SCARF1: variants seen among roughly 807,000 people sequenced by gnomAD.
SCARF1 encodes the protein acetyl LDL receptor.
SCARF1 carries 49 observed loss-of-function variants against 76.3 expected under a neutral mutation model. The observed-to-expected ratio is 0.64, with a 90% CI of 0.51 to 0.81. The LOEUF (loss-of-function observed/expected upper bound fraction) is 0.81. SCARF1 is among the 40% of genes least tolerant of loss of function. The pLI, the probability that SCARF1 is intolerant of heterozygous loss-of-function variation, is 0.00. For synonymous variants in SCARF1, 495 were observed against 474.6 expected, an observed-to-expected ratio of 1.04 and a Z score of -0.56; for missense variants, 1,098 against 1,143.9, an observed-to-expected ratio of 0.96 and a Z score of 0.58.
chr17:1,643,417 AC>A, intron 4 of SCARF1, 24 bp downstream of exon 4: 1 of 855,028 alleles, frequency 1.2e-6, no homozygotes, highest in Non-Finnish European at 1.4e-6. Context: ...CCGCCAGCCC[AC>A]CTGTCCCCGC....
At chr17:1,639,783 A>G in intron 6 of SCARF1, 41 bp from the exon 7 acceptor site, 2 of 1,606,578 alleles carry the variant, frequency 1.2e-6, no homozygotes, top group Non-Finnish European at 1.7e-6. Flanking sequence ...GGCTGGGTGA[A>G]GTGGGGGAGG....
In SCARF1 at chr17:1,636,728, G is replaced by A; in HGVS notation, c.1614C>T (p.Tyr538=). 1.9e-6 allele frequency: 3 copies of A among 1,614,086 alleles called. No individual in the cohort carries two copies. Among genetic ancestry groups the A allele is most frequent in the Non-Finnish European group, 2.5e-6 (3 of 1,179,984 alleles). The part of the protein sequence containing the change: ...ESGEADEVPA[Y]CVPPQEGMVP... ...GGCTACCTTCTTGGGGTGGCACACA[G>A]TAGGCAGGAACCTCATCTGCCTCTC... Residue 538 remains tyrosine (Y), a synonymous_variant, in exon 10 of 11, where the codon TAC becomes TAT. Coordinates refer to ENST00000263071, the MANE Select transcript of SCARF1 (RefSeq NM_003693.4).
At chr17:1,639,824 G>T in intron 6 of SCARF1, 82 bp from the exon 7 acceptor site, 1 of 1,607,994 alleles carries the variant, frequency 6.2e-7, no homozygotes, top group East Asian at 2.2e-5. Flanking sequence ...AGATTTCTGG[G>T]CACTGTCCAG....
At position 1,634,882 on chromosome 17, in the gene SCARF1, G is replaced by T. The variant is rs773026702; in HGVS notation, c.2369C>A (p.Ala790Asp). ...LGAGTESSRR[A>D]QEPVSGCGSP... Reference sequence around the variant, plus strand: ...GCCACAGCCAGAGACTGGCTCCTGGGCTCTCCTTGAACTCTCGGTGCCAGC... The same window carrying T: ...GCCACAGCCAGAGACTGGCTCCTGGTCTCTCCTTGAACTCTCGGTGCCAGC... The change falls in exon 11 of 11, where the codon GCC becomes GAC. Residue 790 changes from alanine (A) to aspartate (D), a missense_variant. Physicochemically the swap from Ala to Asp is moderately radical, Grantham distance 126. Transcript: ENST00000263071. The T allele has an allele frequency of 1.9e-6, 3 of 1,613,902 alleles. No homozygotes were observed. The South Asian group carries it at 3.3e-5, about 18-fold the overall frequency.
At chr17:1,638,244 C>G (rs991602992) in intron 8 of SCARF1, 5 of 152,436 alleles carry the variant, frequency 3.3e-5, no homozygotes, top group African/African-American at 1.2e-4. Flanking sequence ...CGTAAGCCCC[C>G]TGCGCGGGCC....
rs759907989 is a variant in SCARF1, at chr17:1,635,266, C to T, written c.1985G>A (p.Arg662Gln). The change falls in exon 11 of 11, where the codon CGG (arginine) becomes CAG (glutamine). Residue 662 changes from arginine (R) to glutamine (Q), a missense_variant. Physicochemically the swap from Arg to Gln is conservative, Grantham distance 43. Coordinates refer to ENST00000263071, the MANE Select transcript of SCARF1 (RefSeq NM_003693.4). ...SPGDSATGHR[R>Q]PPLGGRTVAE... Reference sequence around the variant, plus strand: ...CACTGTCCGGCCACCAAGTGGGGGCCGCCGGTGGCCAGTGGCTGAATCCCC... The same window carrying T: ...CACTGTCCGGCCACCAAGTGGGGGCTGCCGGTGGCCAGTGGCTGAATCCCC... 6 of 1,611,562 alleles carry T rather than the reference C, an allele frequency of 3.7e-6. No individual in the cohort carries two copies. The highest frequency in any genetic ancestry group is 2.2e-5 in the East Asian group (1 of 44,856).
chr17:1,640,765 G>T lies in SCARF1; in HGVS notation c.792-99C>A. 9.5e-6 allele frequency: 11 copies of T among 1,163,012 alleles called. No individual in the cohort carries two copies. Among genetic ancestry groups the T allele is most frequent in the Non-Finnish European group, 1.4e-5 (11 of 804,082 alleles). 72.0% of individuals were successfully genotyped at this position (1,163,012 alleles called of 1,614,324 possible). ...TCCACGCAGGCCTTCGGGGGCCCTG[G>T]AGAGTGTTCGGGTCCCACCTGGGTC... On this transcript the variant is annotated intron_variant, in intron 4 of 10. Coordinates refer to ENST00000263071, the MANE Select transcript of SCARF1 (RefSeq NM_003693.4). This position sits in a 1 kb window ranked among gnomAD's most constrained non-coding sequence, Gnocchi z 4.7.
At position 1,635,385 on chromosome 17, in the gene SCARF1, C is replaced by T. The variant is rs1235877392; in HGVS notation, c.1866G>A (p.Gly622=). ...PLRKPKRLSR[G]AQSGPEGREA... is the part of the protein sequence containing the mutation. ...CCCGGCCCTCAGGACCCGACTGCGC[C>T]CCCCGGGAGAGCCTCTTGGGCTTTC... The change falls in exon 11 of 11, where the codon GGG becomes GGA. Residue 622 remains glycine, a synonymous_variant. Coordinates refer to ENST00000263071, the MANE Select transcript of SCARF1 (RefSeq NM_003693.4). 5.0e-6 allele frequency: 8 copies of T among 1,613,396 alleles called. No individual in the cohort carries two copies. The highest frequency in any genetic ancestry group is 6.8e-6 in the Non-Finnish European group (8 of 1,179,620).
Position 1,639,999 on chromosome 17 carries a change from C to T in SCARF1, c.1052G>A (p.Cys351Tyr), listed in dbSNP as rs1397637714. Residue 351 changes from cysteine to tyrosine, a missense_variant, in exon 6 of 11, where the codon TGT (cysteine) becomes TAT (tyrosine). By Grantham distance (194) the Cys-to-Tyr change is radical. Coordinates refer to ENST00000263071, the MANE Select transcript of SCARF1 (RefSeq NM_003693.4). ...PCPTGTFGEDCGSTCPTCVQG... is the reference protein window; with the variant it reads ...PCPTGTFGEDYGSTCPTCVQG... ...AACACAGGTGGGGCAGGTAGAGCCA[C>T]AGTCTTCCCCAAAGGTACCAGTGGG... 1.9e-6 allele frequency: 3 copies of T among 1,613,984 alleles called. No individual in the cohort carries two copies. Among genetic ancestry groups the T allele is most frequent in the Non-Finnish European group, 1.7e-6 (2 of 1,180,002 alleles).
chr17:1,634,727 C>T lies in SCARF1; in HGVS notation c.*31G>A, dbSNP rs1909371298. On this transcript the variant is annotated 3_prime_UTR_variant, in exon 11 of 11. Transcript: ENST00000263071. ...CAGCACACAGCACAGTCTAGTCCAT[C>T]CACTCTCCCCACTCCCCAAATTCAA... The T allele has an allele frequency of 1.3e-6, 2 of 1,553,268 alleles. No homozygotes were observed. The highest frequency in any genetic ancestry group is 1.4e-5 in the African/African-American group (1 of 72,838).
Position 1,643,967 on chromosome 17 carries a change from C to G in SCARF1, c.266G>C (p.Arg89Pro), listed in dbSNP as rs903090086. ...PGFFGAHCSS[R>P]CPGQYWGPDC... is the part of the protein sequence containing the mutation. ...GGGGCCCCAGTACTGGCCCGGGCAGCCTGCGGGGGTGGGGACGGGAGGGGT... is the reference window on the plus strand; with the variant it reads ...GGGGCCCCAGTACTGGCCCGGGCAGGCTGCGGGGGTGGGGACGGGAGGGGT... Residue 89 changes from arginine to proline, a missense_variant and splice_region_variant, in exon 4 of 11, where the codon CGC (arginine) becomes CCC (proline). By Grantham distance (103) the Arg-to-Pro change is moderately radical (BLOSUM62 -2). Transcript: ENST00000263071. 1.5e-6 allele frequency: 2 copies of G among 1,326,690 alleles called. No individual in the cohort carries two copies. Among genetic ancestry groups the G allele is most frequent in the Non-Finnish European group, 1.9e-6 (2 of 1,041,296 alleles). 82.2% of individuals were successfully genotyped at this position (1,326,690 alleles called of 1,614,324 possible). A position where few individuals can be genotyped will look rare whatever the true frequency, so the allele number is the denominator to read the frequency against.
Position 1,644,745 on chromosome 17 carries a change from G to T in SCARF1, c.265+89C>A. ...GGGATTCTGGCCCTGCTGTCCTGAGGCTGCATGGCTACCTGCCTCGCCTGC... is the reference window on the plus strand; with the variant it reads ...GGGATTCTGGCCCTGCTGTCCTGAGTCTGCATGGCTACCTGCCTCGCCTGC... On this transcript the variant is annotated intron_variant, in intron 3 of 10. Coordinates refer to ENST00000263071, the MANE Select transcript of SCARF1 (RefSeq NM_003693.4). This position sits in a 1 kb window ranked among gnomAD's most constrained non-coding sequence, Gnocchi z 4.8. 7.9e-7 allele frequency: 1 copy of T among 1,258,026 alleles called. No individual in the cohort carries two copies. The allele number at this position is 1,258,026 out of a possible 1,614,324, so 77.9% of individuals were successfully genotyped here. A position where few individuals can be genotyped will look rare whatever the true frequency, so the allele number is the denominator to read the frequency against.
Position 1,643,941 on chromosome 17 carries a change from CG to C in SCARF1, c.291del (p.Asp98ThrfsTer269). 1 of 1,348,108 alleles carries C rather than the reference CG, an allele frequency of 7.4e-7. No individual in the cohort carries two copies. Among genetic ancestry groups the C allele is most frequent in the Admixed American group, 3.6e-5 (1 of 28,116 alleles). 83.5% of individuals were successfully genotyped at this position (1,348,108 alleles called of 1,614,324 possible). Reference protein sequence around the residue: ...SSRCPGQYWGPDCRESCPCHP... With the variant: ...SSRCPGQYWGXDCRESCPCHP... ...TGGCAGGGGCAGCTCTCACGGCAGTCGGGGCCCCAGTACTGGCCCGGGCAGC... is the reference window on the plus strand; with the variant it reads ...TGGCAGGGGCAGCTCTCACGGCAGTCGGGCCCCAGTACTGGCCCGGGCAGC... On this transcript the variant is annotated frameshift_variant, in exon 4 of 11. Coordinates refer to ENST00000263071, the MANE Select transcript of SCARF1 (RefSeq NM_003693.4). LOFTEE classifies it high-confidence loss of function.
chr17:1,643,613 C>T lies in SCARF1; in HGVS notation c.620G>A (p.Arg207His), dbSNP rs1200301545. ...HGSPCEQDSG[R>H]CACRPGWWGP... ...CCACCAGCCCGGCCGGCAGGCGCAG[C>T]GGCCGGAGTCCTGCTCGCACGGGGA... Residue 207 changes from arginine (R) to histidine (H), a missense_variant, in exon 4 of 11, where the codon CGC becomes CAC. Arg to His is a conservative substitution (Grantham distance 29). Transcript: ENST00000263071. 2 of 1,470,508 alleles carry T rather than the reference C, an allele frequency of 1.4e-6. No homozygotes were observed. Among genetic ancestry groups the T allele is most frequent in the Non-Finnish European group, 1.8e-6 (2 of 1,118,184 alleles). The allele number at this position is 1,470,508 out of a possible 1,614,324, so 91.1% of individuals were successfully genotyped here. A position where few individuals can be genotyped will look rare whatever the true frequency, so the allele number is the denominator to read the frequency against.
At chr17:1,637,186 C>T in intron 8 of SCARF1, 124 bp from the exon 9 acceptor site, 1 of 1,032,970 alleles carries the variant, frequency 9.7e-7, no homozygotes. Context: ...CTATTGACTA[C>T]AGAATAAAAT....
rs939711501 is a variant in SCARF1, at chr17:1,635,432, C to T, written c.1819G>A (p.Gly607Arg). Residue 607 changes from glycine (G) to arginine (R), a missense_variant, in exon 11 of 11, where the codon GGG (glycine) becomes AGG (arginine). Coordinates refer to ENST00000263071, the MANE Select transcript of SCARF1 (RefSeq NM_003693.4). ...KFAPQSRRSS[G>R]ELSSPLRKPK... ...TTTCGGAGCGGGCTGGAGAGCTCCCCTGAGCTTCGGCGACTCTGTGGTGCA... is the reference window on the plus strand; with the variant it reads ...TTTCGGAGCGGGCTGGAGAGCTCCCTTGAGCTTCGGCGACTCTGTGGTGCA... The T allele has an allele frequency of 1.9e-6, 3 of 1,613,942 alleles. No individual in the cohort carries two copies. The highest frequency in any genetic ancestry group is 2.5e-6 in the Non-Finnish European group (3 of 1,179,964).
chr17:1,644,658 C>A lies in SCARF1; in HGVS notation c.265+176G>T. 1 of 636,224 alleles carries A rather than the reference C, an allele frequency of 1.6e-6. No homozygotes were observed. Among genetic ancestry groups the A allele is most frequent in the Admixed American group, 2.7e-5 (1 of 37,036 alleles). The allele number at this position is 636,224 out of a possible 1,614,324, so 39.4% of individuals were successfully genotyped here. ...TGGGTAAAAACCCGGTGACTCAGGT[C>A]ATCTCCCGGGAGTGTGTGTCACTTC... On this transcript the variant is annotated intron_variant, in intron 3 of 10. Coordinates refer to ENST00000263071, the MANE Select transcript of SCARF1 (RefSeq NM_003693.4). This position sits in a 1 kb window ranked among gnomAD's most constrained non-coding sequence, Gnocchi z 4.8.
In SCARF1 at chr17:1,644,801, GC is replaced by G. The variant is rs1277995880; in HGVS notation, c.265+32del. ...CACCACTGCCCCCGTACCCAGCTCTGCCCAGCAACTTCATCTGGCCCTTGAG... is the reference window on the plus strand; with the variant it reads ...CACCACTGCCCCCGTACCCAGCTCTGCCAGCAACTTCATCTGGCCCTTGAG... On this transcript the variant is annotated intron_variant, in intron 3 of 10. Transcript: ENST00000263071. The surrounding 1 kb of genome is among the most constrained non-coding windows in gnomAD (Gnocchi z 4.8). 6.9e-6 allele frequency: 11 copies of G among 1,593,144 alleles called. No homozygotes were observed. The Admixed American group carries it at 1.2e-4, about 18-fold the overall frequency.
In SCARF1 at chr17:1,635,067, G is replaced by A; in HGVS notation, c.2184C>T (p.Ile728=). 1.2e-6 allele frequency: 2 copies of A among 1,614,006 alleles called. No individual in the cohort carries two copies. The highest frequency in any genetic ancestry group is 1.7e-6 in the Non-Finnish European group (2 of 1,179,972). ...GQAEAKVKRA[I]PKPPRQALNR... ...TCAGGGCCTGGCGCGGAGGCTTAGG[G>A]ATGGCCCTCTTGACCTTGGCTTCCG... Residue 728 remains isoleucine (I), a synonymous_variant, in exon 11 of 11, where the codon ATC becomes ATT. Coordinates refer to ENST00000263071, the MANE Select transcript of SCARF1 (RefSeq NM_003693.4).
Sources: gnomAD v4.1 joint callset for allele counts on GRCh38, gnomAD v4.1.1 for gene constraint, Gnocchi (gnomAD v3.1) non-coding constraint, MANE v1.5 for transcripts, NCBI Gene and HGNC (gene_info 2026-07-23, HGNC 2026-07-21) for gene names.